TRIM2: variants seen among roughly 807,000 people sequenced by gnomAD.
The protein encoded by TRIM2 is tripartite motif-containing protein 2.
A neutral mutation model predicts 75.2 loss-of-function variants in TRIM2; 20 were observed. That is an observed-to-expected ratio of 0.27 (90% CI 0.19 to 0.39). TRIM2 has a LOEUF of 0.39. TRIM2 is among the 10% of genes least tolerant of loss of function. The probability of loss-of-function intolerance (pLI) is 1.00; values close to 1 mark genes in which losing one functional copy is unlikely to be tolerated. For missense variants in TRIM2, 660 were observed against 990.8 expected, an observed-to-expected ratio of 0.67 and a Z score of 4.48; for synonymous variants, 373 against 388.3, an observed-to-expected ratio of 0.96 and a Z score of 0.46.
chr4:153,237,204 C>T (rs1414731262), intron 1 of TRIM2, among the ~76,000 whole-genome samples: 1 of 152,126 alleles, frequency 6.6e-6, no homozygotes, highest in East Asian at 1.9e-4. Context: ...ATTTCTTCTA[C>T]ATGCAATTGG....
At chr4:153,239,834 C>CTTTTTTTTT (rs372940429) in intron 1 of TRIM2, among the ~76,000 whole-genome samples, 4 of 117,698 alleles carry the variant, frequency 3.4e-5, no homozygotes, top group African/African-American at 7.3e-5. Flanking sequence ...CTTTCTTTCT[C>CTTTTTTTTT]TTTTTTTTTT....
chr4:153,279,806 G>T (rs1199903427), intron 3 of TRIM2, among the ~76,000 whole-genome samples: 2 of 152,122 alleles, frequency 1.3e-5, no homozygotes, highest in Non-Finnish European at 2.9e-5. Context: ...AGCTGGGCAT[G>T]GTGGCACATG....
intron 1 of TRIM2, among the ~76,000 whole-genome samples, chr4:153,267,606 G>A (rs1255691050): frequency 3.3e-5 from 5 of 151,908 alleles, no homozygotes; most frequent in Admixed American, 6.5e-5. Flanking sequence ...AGGCGAGATC[G>A]CGCCACTGCA....
chr4:153,157,052 G>C (rs965689031), intron 1 of TRIM2: 1 of 152,376 alleles, frequency 6.6e-6, no homozygotes, highest in Admixed American at 6.5e-5. Context: ...TTCCAGGGTG[G>C]CAGAGAGACC....
chr4:153,184,112 G>A (rs1732349328), intron 1 of TRIM2, among the ~76,000 whole-genome samples: 1 of 152,186 alleles, frequency 6.6e-6, no homozygotes, highest in South Asian at 2.1e-4. Flanking sequence ...CCTTGGGCAG[G>A]GATTCTAGCT....
chr4:153,193,127 CTTTT>C (rs141233060), intron 1 of TRIM2, among the ~76,000 whole-genome samples: 1 of 106,728 alleles, frequency 9.4e-6, no homozygotes, highest in Non-Finnish European at 1.8e-5. Flanking sequence ...AGTGAATAAT[CTTTT>C]TTTTTTTTTT....
rs71598262 is a variant in TRIM2, at chr4:153,336,116, T to TTTTA, written c.*1151_*1152insTTAT. 20 of 918,522 alleles carry TTTTA rather than the reference T, an allele frequency of 2.2e-5. No individual in the cohort carries two copies. The South Asian group carries it at 6.5e-4, about 30-fold the overall frequency. 56.9% of individuals were successfully genotyped at this position (918,522 alleles called of 1,614,324 possible). On this transcript the variant is annotated 3_prime_UTR_variant, in exon 12 of 12. Coordinates refer to ENST00000338700, the MANE Select transcript of TRIM2 (RefSeq NM_015271.5). ...CATGATTAGGGTAAGATAGAATGTA[T>TTTTA]TATATATATATATATATACACACAC...
intron 1 of TRIM2, among the ~76,000 whole-genome samples, chr4:153,191,658 T>G (rs544765280): frequency 3.2e-4 from 49 of 152,348 alleles, no homozygotes; most frequent in African/African-American, 1.2e-3. Context: ...TTCTTATTTA[T>G]TTTTTAAACA....
chr4:153,198,564 G>A (rs1734006287), intron 1 of TRIM2, among the ~76,000 whole-genome samples: 4 of 152,006 alleles, frequency 2.6e-5, no homozygotes. Flanking sequence ...GCGTAAAAAC[G>A]GACTAGTACA....
chr4:153,194,306 G>C (rs1031585981), intron 1 of TRIM2, among the ~76,000 whole-genome samples: 3 of 152,148 alleles, frequency 2.0e-5, no homozygotes, highest in African/African-American at 7.2e-5. Context: ...ACCAATTGTG[G>C]TATGTGCATA....
chr4:153,294,796 T>C (rs981782440), intron 5 of TRIM2, among the ~76,000 whole-genome samples: 1 of 152,188 alleles, frequency 6.6e-6, no homozygotes, highest in Non-Finnish European at 1.5e-5. Context: ...TCTTAATTGC[T>C]CTCTCACCCA....
At chr4:153,175,703 CTGAGACA>C (rs1731365670) in intron 1 of TRIM2, among the ~76,000 whole-genome samples, 1 of 152,150 alleles carries the variant, frequency 6.6e-6, no homozygotes, top group African/African-American at 2.4e-5. Flanking sequence ...AAAGTGATAT[CTGAGACA>C]TGACAATTAA....
chr4:153,321,317 T>C (rs1210922667), intron 8 of TRIM2, among the ~76,000 whole-genome samples: 1 of 152,188 alleles, frequency 6.6e-6, no homozygotes, highest in African/African-American at 2.4e-5. Context: ...GCTTGGGCAG[T>C]GTTTGTAGAA....
chr4:153,298,192 G>T (rs1260281695), intron 6 of TRIM2, among the ~76,000 whole-genome samples: 1 of 152,206 alleles, frequency 6.6e-6, no homozygotes, highest in Admixed American at 6.5e-5. Context: ...TTAGAACAGT[G>T]CCTGGCATGC....
At chr4:153,272,714 A>G (rs1245764433) in intron 2 of TRIM2, among the ~76,000 whole-genome samples, 1 of 148,336 alleles carries the variant, frequency 6.7e-6, no homozygotes, top group Admixed American at 6.7e-5. Flanking sequence ...CAAGCAATCC[A>G]ACTACCTTGG....
intron 1 of TRIM2, among the ~76,000 whole-genome samples, chr4:153,172,057 C>G (rs956149373): frequency 2.6e-5 from 4 of 151,822 alleles, no homozygotes; most frequent in African/African-American, 9.7e-5. Flanking sequence ...TTTGTGGAAT[C>G]AGAATGGAAA....
chr4:153,251,650 A>G (rs1189756995), intron 1 of TRIM2, among the ~76,000 whole-genome samples: 3 of 152,132 alleles, frequency 2.0e-5, no homozygotes, highest in Admixed American at 2.0e-4. Flanking sequence ...ATTTCTTTGT[A>G]GTGAGAACAT....
intron 1 of TRIM2, among the ~76,000 whole-genome samples, chr4:153,252,085 A>G (rs548440792): frequency 6.6e-6 from 1 of 152,294 alleles, no homozygotes; most frequent in South Asian, 2.1e-4. Context: ...CTGTAGCTTT[A>G]TATCTGTTGA....
At chr4:153,322,040 C>A (rs1016868874) in intron 8 of TRIM2, among the ~76,000 whole-genome samples, 1 of 152,084 alleles carries the variant, frequency 6.6e-6, no homozygotes, top group South Asian at 2.1e-4. Context: ...CAGATCACAC[C>A]GCCTCTTCAG....
Sources: allele counts gnomAD v4.1 joint callset (sites outside exome capture counted in the v4.1 genomes callset), GRCh38; gene constraint gnomAD v4.1.1; transcripts MANE v1.5; gene names NCBI Gene and HGNC (gene_info 2026-07-23, HGNC 2026-07-21).